The following SPART variants were observed in gnomAD, a reference collection of about 807,000 sequenced individuals.
SPART encodes spartin, also known as spastic paraplegia 20 (Troyer syndrome).
In SPART, 35 loss-of-function variants were observed where a neutral mutation model predicts 58.7. The observed-to-expected ratio is 0.60, with a 90% CI of 0.46 to 0.79. The LOEUF (loss-of-function observed/expected upper bound fraction) is 0.79, where lower values mean the gene tolerates loss of function less well. Among genes scored for constraint, SPART ranks in the 30% least tolerant of loss-of-function variants. The pLI, the probability that SPART is intolerant of heterozygous loss-of-function variation, is 0.00. For synonymous variants in SPART, 284 were observed against 280.7 expected (o/e 1.01, Z -0.12); for missense variants, 730 against 786.1 (o/e 0.93, Z 0.85).
chr13:36,308,870 T>C (rs1880783446), intron 8 of SPART, among the ~76,000 whole-genome samples: 1 of 152,064 alleles, frequency 6.6e-6, no homozygotes, highest in African/African-American at 2.4e-5. Context: ...TGACAAGAAG[T>C]GAGTTGGAAG....
At chr13:36,312,591 T>G in intron 6 of SPART, 114 bp from the exon 7 acceptor site, 1 of 1,151,292 alleles carries the variant, frequency 8.7e-7, no homozygotes, top group South Asian at 1.3e-5. Flanking sequence ...CTATATAATG[T>G]TACAATTTCT....
chr13:36,337,633 A>G (rs1211524244), intron 1 of SPART, among the ~76,000 whole-genome samples: 1 of 152,210 alleles, frequency 6.6e-6, no homozygotes, highest in Non-Finnish European at 1.5e-5. Flanking sequence ...AACTGAGTCA[A>G]TTAAACCTCT....
chr13:36,320,354 A>G (rs975374637), intron 5 of SPART, among the ~76,000 whole-genome samples: 5 of 152,018 alleles, frequency 3.3e-5, no homozygotes, highest in Admixed American at 6.6e-5. Flanking sequence ...TATCTCTCTG[A>G]TCCACCTGAC....
At chr13:36,368,124 A>C (rs1886139161) in intron 1 of SPART, 3 of 438,610 alleles carry the variant, frequency 6.8e-6, no homozygotes, top group African/African-American at 2.1e-5. Context: ...CTTTCAAGGA[A>C]AGAGTCGGGC....
At chr13:36,324,073 T>A (rs1882675901) in intron 5 of SPART, among the ~76,000 whole-genome samples, 1 of 152,194 alleles carries the variant, frequency 6.6e-6, no homozygotes, top group Non-Finnish European at 1.5e-5. Flanking sequence ...TGGCAGCTGA[T>A]GAAAAAATTT....
chr13:36,309,032 C>A (rs1005638564), intron 8 of SPART, among the ~76,000 whole-genome samples: 4 of 152,106 alleles, frequency 2.6e-5, no homozygotes, highest in Admixed American at 2.0e-4. Context: ...ATCACGAAAT[C>A]AGGTGATCAA....
intron 5 of SPART, among the ~76,000 whole-genome samples, chr13:36,321,692 T>C (rs1425790588): frequency 6.6e-6 from 1 of 152,116 alleles, no homozygotes; most frequent in African/African-American, 2.4e-5. Context: ...GCCCCAACAC[T>C]TCAACACTAT....
chr13:36,326,183 G>A, intron 5 of SPART: 1 of 291,756 alleles, frequency 3.4e-6, no homozygotes, highest in Non-Finnish European at 6.6e-6. Flanking sequence ...TCACCTCAGG[G>A]GTTAGGATTT....
At chr13:36,342,190 G>A (rs1215054449) in intron 1 of SPART, among the ~76,000 whole-genome samples, 1 of 152,304 alleles carries the variant, frequency 6.6e-6, no homozygotes, top group East Asian at 1.9e-4. Context: ...ACATATGCTG[G>A]ACAGTATGCT....
intron 1 of SPART, among the ~76,000 whole-genome samples, chr13:36,362,446 G>A (rs549100514): frequency 6.6e-6 from 1 of 151,642 alleles, no homozygotes; most frequent in South Asian, 2.1e-4. Context: ...CAGATCTAAT[G>A]AGTCACAGCT....
chr13:36,326,731 G>T lies in SPART; in HGVS notation c.1165-33C>A, dbSNP rs763124725. 1.9e-6 allele frequency: 3 copies of T among 1,609,788 alleles called. No individual in the cohort carries two copies. In the Admixed American group the frequency reaches 5.0e-5, roughly 27 times the overall value. On this transcript the variant is annotated intron_variant, in intron 4 of 8. Transcript: ENST00000438666. ...GTAAAAATGTTTCAAAATGTGAAGA[G>T]TTAGTACTAAGAGGGGGAAAACTGT...
At position 36,314,514 on chromosome 13, in the gene SPART, G is replaced by A. The variant is rs1881481722; in HGVS notation, c.1289-93C>T. The A allele has an allele frequency of 4.7e-6, 6 of 1,272,392 alleles. No individual in the cohort carries two copies. In the Admixed American group the frequency reaches 1.1e-4, roughly 22 times the overall value. 78.8% of individuals were successfully genotyped at this position (1,272,392 alleles called of 1,614,324 possible). On this transcript the variant is annotated intron_variant, in intron 5 of 8. Transcript: ENST00000438666. ...TAACATCAACCAGAAAAAAATAAAA[G>A]GAGTTTGATATTCAGATGCTAAATG...
Position 36,304,207 on chromosome 13 carries a change from T to G in SPART, c.*158A>C. ...GCAAGAATACTTATTCTTTTCCTTT[T>G]AAATAGAAGACATGCCATAAAATTT... On this transcript the variant is annotated 3_prime_UTR_variant, in exon 9 of 9. Transcript: ENST00000438666. The G allele has an allele frequency of 1.2e-6, 1 of 818,126 alleles. No homozygotes were observed. The highest frequency in any genetic ancestry group is 1.7e-5 in the South Asian group (1 of 59,708). The allele number at this position is 818,126 out of a possible 1,614,324, so 50.7% of individuals were successfully genotyped here. A position where few individuals can be genotyped will look rare whatever the true frequency, so the allele number is the denominator to read the frequency against.
At chr13:36,323,951 G>T (rs201480425) in intron 5 of SPART, among the ~76,000 whole-genome samples, 1 of 152,170 alleles carries the variant, frequency 6.6e-6, no homozygotes, top group African/African-American at 2.4e-5. Flanking sequence ...ATGCACTGCT[G>T]AAAGTTCTTT....
chr13:36,316,789 G>A (rs986812649), intron 5 of SPART, among the ~76,000 whole-genome samples: 6 of 152,054 alleles, frequency 3.9e-5, no homozygotes, highest in Non-Finnish European at 5.9e-5. Context: ...GCCGTGACTC[G>A]GATCAGGGGA....
At chr13:36,349,205 G>A (rs1457745970), upstream of SPART, among the ~76,000 whole-genome samples, 14 of 152,318 alleles carry the variant, frequency 9.2e-5, no homozygotes, top group East Asian at 5.8e-4. Context: ...GGAGGTCACC[G>A]TGAGCCGAGA....
chr13:36,342,193 A>G (rs1298577815), intron 1 of SPART, among the ~76,000 whole-genome samples: 1 of 152,214 alleles, frequency 6.6e-6, no homozygotes, highest in East Asian at 1.9e-4. Context: ...TATGCTGGAC[A>G]GTATGCTAGG....
intron 1 of SPART, among the ~76,000 whole-genome samples, chr13:36,342,609 C>T (rs1884686606): frequency 6.6e-6 from 1 of 152,140 alleles, no homozygotes; most frequent in African/African-American, 2.4e-5. Flanking sequence ...CATAGCAGCA[C>T]CACCCCTCAT....
intron 8 of SPART, among the ~76,000 whole-genome samples, chr13:36,305,252 G>A (rs1880402283): frequency 6.6e-6 from 1 of 151,994 alleles, no homozygotes; most frequent in Admixed American, 6.6e-5. Flanking sequence ...CCTTCTTCAA[G>A]TTGGCTCAAC....
Sources: allele counts gnomAD v4.1 joint callset (sites outside exome capture counted in the v4.1 genomes callset), GRCh38; gene constraint gnomAD v4.1.1; transcripts MANE v1.5; gene names NCBI Gene and HGNC (gene_info 2026-07-23, HGNC 2026-07-21).